Variants in GZMK observed in about 807,000 individuals in gnomAD.
The protein encoded by GZMK is NK-Tryp-2.
A neutral mutation model predicts 22.8 loss-of-function variants in GZMK; 18 were observed. The ratio of observed to expected loss-of-function variants is 0.79; its 90% CI spans 0.54 to 1.17. The LOEUF (loss-of-function observed/expected upper bound fraction) is 1.17. Ranked by LOEUF, GZMK falls within the 50% of genes most tolerant of loss-of-function variation. GZMK has a pLI of 0.00. For synonymous variants in GZMK, 136 were observed against 115.0 expected, an observed-to-expected ratio of 1.18 and a Z score of -1.17; for missense variants, 342 against 320.2, an observed-to-expected ratio of 1.07 and a Z score of -0.52.
chr5:55,024,275 A>G lies in GZMK; in HGVS notation c.-48A>G. 1 of 900,422 alleles carries G rather than the reference A, an allele frequency of 1.1e-6. No homozygotes were observed. The highest frequency in any genetic ancestry group is 1.9e-6 in the Non-Finnish European group (1 of 537,008). The allele number at this position is 900,422 out of a possible 1,614,324, so 55.8% of individuals were successfully genotyped here. Reference sequence around the variant, plus strand: ...GTCTTCAGAATCTTCTTCCTTCATCACAGGATCAACACATTTCATCTGGGC... The same window carrying G: ...GTCTTCAGAATCTTCTTCCTTCATCGCAGGATCAACACATTTCATCTGGGC... On this transcript the variant is annotated 5_prime_UTR_variant, in exon 1 of 5. Transcript: ENST00000231009.
In GZMK at chr5:55,024,272, A is replaced by G. The variant is rs773543847; in HGVS notation, c.-51A>G. The G allele has an allele frequency of 7.9e-6, 7 of 883,804 alleles. No individual in the cohort carries two copies. In the African/African-American group the frequency reaches 9.9e-5, roughly 13 times the overall value. 54.7% of individuals were successfully genotyped at this position (883,804 alleles called of 1,614,324 possible). On this transcript the variant is annotated 5_prime_UTR_variant, in exon 1 of 5. Coordinates refer to ENST00000231009, the MANE Select transcript of GZMK (RefSeq NM_002104.3). ...TCAGTCTTCAGAATCTTCTTCCTTC[A>G]TCACAGGATCAACACATTTCATCTG...
Position 55,033,864 on chromosome 5 carries a change from C to A in GZMK, c.733C>A (p.Leu245Met). Reference protein sequence around the residue: ...GVATKPGIYTLLTKKYQTWIK... With the variant: ...GVATKPGIYTMLTKKYQTWIK... ...TGCCACAAAGCCTGGAATCTACACC[C>A]TGTTAACCAAGAAATACCAGACTTG... Residue 245 changes from leucine (L) to methionine (M), a missense_variant, in exon 5 of 5, where the codon CTG becomes ATG. By Grantham distance (15) the Leu-to-Met change is conservative. Coordinates refer to ENST00000231009, the MANE Select transcript of GZMK (RefSeq NM_002104.3). 6.2e-7 allele frequency: 1 copy of A among 1,613,594 alleles called. No individual in the cohort carries two copies. The highest frequency in any genetic ancestry group is 8.5e-7 in the Non-Finnish European group (1 of 1,179,532).
In GZMK at chr5:55,026,420, T is replaced by TTG. The variant is rs1227866574; in HGVS notation, c.212+1614_212+1615insGT. Among the ~76,000 whole-genome samples the TTG allele has an allele frequency of 1.0e-3, 154 of 151,710 alleles. 2 individuals carry two copies. Among genetic ancestry groups the TTG allele is most frequent in the African/African-American group, 3.6e-3 (147 of 41,258 alleles). On this transcript the variant is annotated intron_variant, in intron 2 of 4. Transcript: ENST00000231009. ...GTCTTGGAGTTTTTTGTGTTTTGTT[T>TTG]TTTTTTTCTTAAAACAAACTATTGC...
Position 55,030,254 on chromosome 5 carries a change from C to A in GZMK, c.213-180C>A, listed in dbSNP as rs1580300093. 4 of 539,786 alleles carry A rather than the reference C, an allele frequency of 7.4e-6. No individual in the cohort carries two copies. The East Asian group carries it at 1.2e-4, about 17-fold the overall frequency. The allele number at this position is 539,786 out of a possible 1,614,324, so 33.4% of individuals were successfully genotyped here. A position where few individuals can be genotyped will look rare whatever the true frequency, so the allele number is the denominator to read the frequency against. On this transcript the variant is annotated intron_variant, in intron 2 of 4. Transcript: ENST00000231009. ...GTGGGATTAAGGGCAAGTCATTTGGCCCTTAATATCAATTCATGCTGGGCT... is the reference window on the plus strand; with the variant it reads ...GTGGGATTAAGGGCAAGTCATTTGGACCTTAATATCAATTCATGCTGGGCT...
rs1394954644 is a variant in GZMK, at chr5:55,034,427, T to C, written c.*501T>C. The C allele has an allele frequency of 6.6e-6, 1 of 152,324 alleles. No individual in the cohort carries two copies. Among genetic ancestry groups the C allele is most frequent in the Non-Finnish European group, 1.5e-5 (1 of 68,116 alleles). 9.4% of individuals were successfully genotyped at this position (152,324 alleles called of 1,614,324 possible). On this transcript the variant is annotated 3_prime_UTR_variant, in exon 5 of 5. Coordinates refer to ENST00000231009, the MANE Select transcript of GZMK (RefSeq NM_002104.3). ...TTCATCTCATATAAATGAAACTTTATGCCAGTTGAATAGCAGCTCTCTATT... is the reference window on the plus strand; with the variant it reads ...TTCATCTCATATAAATGAAACTTTACGCCAGTTGAATAGCAGCTCTCTATT...
chr5:55,031,240 C>T (rs1741224636), intron 3 of GZMK, 124 bp from the exon 4 acceptor site: 1 of 767,218 alleles, frequency 1.3e-6, no homozygotes, highest in Non-Finnish European at 2.2e-6. Context: ...CTGCAGGCCA[C>T]CACCAAAGTA....
Position 55,031,471 on chromosome 5 carries a change from C to G in GZMK, c.471C>G (p.Thr157=). 1 of 1,614,030 alleles carries G rather than the reference C, an allele frequency of 6.2e-7. No individual in the cohort carries two copies. ...TKCKVTGWGA[T]DPDSLRPSDT... is the part of the protein sequence containing the mutation. The stretch of plus-strand genomic sequence containing the variant: ...GCAAGGTTACTGGCTGGGGAGCCAC[C>G]GATCCAGATTCATTAAGACCTTCTG... The change falls in exon 4 of 5, where the codon ACC becomes ACG. Residue 157 remains threonine, a synonymous_variant. Coordinates refer to ENST00000231009, the MANE Select transcript of GZMK (RefSeq NM_002104.3).
At chr5:55,030,937 A>C (rs1410651726) in intron 3 of GZMK, among the ~76,000 whole-genome samples, 2 of 152,234 alleles carry the variant, frequency 1.3e-5, no homozygotes, top group Non-Finnish European at 2.9e-5. Flanking sequence ...AACAGAGCCA[A>C]CCAAGTGACT....
chr5:55,033,783 T>C lies in GZMK; in HGVS notation c.652T>C (p.Leu218=). The part of the protein sequence containing the change: ...DSCKGDSGGP[L]ICKGVFHAIV... ...CTTCCAGGGTGACTCAGGGGGCCCC[T>C]TGATCTGTAAAGGTGTCTTCCACGC... The change falls in exon 5 of 5, where the codon TTG becomes CTG. Residue 218 remains leucine, a synonymous_variant. Coordinates refer to ENST00000231009, the MANE Select transcript of GZMK (RefSeq NM_002104.3). The C allele has an allele frequency of 1.1e-5, 17 of 1,607,602 alleles. No individual in the cohort carries two copies. Among genetic ancestry groups the C allele is most frequent in the Non-Finnish European group, 1.4e-5 (16 of 1,178,226 alleles).
intron 2 of GZMK, chr5:55,025,054 G>T: frequency 3.2e-6 from 1 of 316,462 alleles, no homozygotes; most frequent in Non-Finnish European, 5.8e-6. Context: ...GTATAATGCA[G>T]GGAACACAGC....
intron 4 of GZMK, among the ~76,000 whole-genome samples, chr5:55,031,877 C>T (rs1376296868): frequency 6.6e-6 from 1 of 152,166 alleles, no homozygotes; most frequent in Non-Finnish European, 1.5e-5. Context: ...GATAATAGAC[C>T]ATATCTGACA....
In GZMK at chr5:55,033,860, C is replaced by G; in HGVS notation, c.729C>G (p.Tyr243Ter). 6.2e-7 allele frequency: 1 copy of G among 1,613,658 alleles called. No homozygotes were observed. The highest frequency in any genetic ancestry group is 1.1e-5 in the South Asian group (1 of 91,068). Reference protein sequence around the residue: ...ECGVATKPGIYTLLTKKYQTW... With the variant: ...ECGVATKPGI The stretch of plus-strand genomic sequence containing the variant: ...GTGTTGCCACAAAGCCTGGAATCTA[C>G]ACCCTGTTAACCAAGAAATACCAGA... The change falls in exon 5 of 5, where the codon TAC becomes TAG. Residue 243 changes from tyrosine (Y) to a stop codon, truncating the protein, a stop_gained. Coordinates refer to ENST00000231009, the MANE Select transcript of GZMK (RefSeq NM_002104.3). LOFTEE classifies it low-confidence loss of function (END_TRUNC).
chr5:55,029,900 T>G (rs1032096803), intron 2 of GZMK, among the ~76,000 whole-genome samples: 1 of 152,162 alleles, frequency 6.6e-6, no homozygotes, highest in East Asian at 1.9e-4. Flanking sequence ...TAAAAAAAGT[T>G]CTGGGGTTCT....
At chr5:55,029,552 T>A (rs1047422483) in intron 2 of GZMK, among the ~76,000 whole-genome samples, 43 of 150,320 alleles carry the variant, frequency 2.9e-4, no homozygotes, top group African/African-American at 1.0e-3. Flanking sequence ...TTTTGTTTGT[T>A]TGTTTGTTTG....
intron 2 of GZMK, among the ~76,000 whole-genome samples, chr5:55,025,421 G>C (rs80230157): frequency 0.1 from 15,620 of 152,154 alleles, 927 homozygotes; most frequent in Middle Eastern, 0.29. Context: ...GAAAGAGAAA[G>C]ATAATGAGAG....
chr5:55,033,242 C>CAA (rs1006945423), intron 4 of GZMK, among the ~76,000 whole-genome samples: 1 of 152,114 alleles, frequency 6.6e-6, no homozygotes, highest in African/African-American at 2.4e-5. Flanking sequence ...TGTGAGGATG[C>CAA]AAAAAATAAA....
chr5:55,029,274 C>A (rs1741184142), intron 2 of GZMK, among the ~76,000 whole-genome samples: 2 of 151,986 alleles, frequency 1.3e-5, no homozygotes, highest in South Asian at 4.2e-4. Flanking sequence ...AAAAACAAAC[C>A]TATTTCTTCA....
At chr5:55,024,499 T>C in intron 1 of GZMK, 113 bp downstream of exon 1, 1 of 757,596 alleles carries the variant, frequency 1.3e-6, no homozygotes, top group Non-Finnish European at 2.2e-6. Flanking sequence ...TGAACTGTAA[T>C]GTATTATACA....
rs530910976 is a variant in GZMK at position 55,027,252 on chromosome 5, C to G, written c.212+2445C>G. Among the ~76,000 whole-genome samples the G allele has an allele frequency of 2.6e-5, 4 of 152,276 alleles. No individual in the cohort carries two copies. The South Asian group carries it at 8.3e-4, about 32-fold the overall frequency. On this transcript the variant is annotated intron_variant, in intron 2 of 4. Transcript: ENST00000231009. ...ATAGATGTTATCGAGTATTGTTATA[C>G]AATTATCTGTGCCTTCCATGGTAAT...
Sources: allele counts gnomAD v4.1 joint callset (sites outside exome capture counted in the v4.1 genomes callset), GRCh38; gene constraint gnomAD v4.1.1; transcripts MANE v1.5; gene names NCBI Gene and HGNC (gene_info 2026-07-23, HGNC 2026-07-21).